DIDO1: variants seen among roughly 807,000 people sequenced by gnomAD.
DIDO1 encodes the protein death-inducer obliterator 1.
DIDO1 carries 16 observed loss-of-function variants against 99.4 expected under a neutral mutation model. The ratio of observed to expected loss-of-function variants is 0.16; its 90% CI spans 0.11 to 0.24. DIDO1 has a LOEUF of 0.24. Among genes scored for constraint, DIDO1 ranks in the 10% least tolerant of loss-of-function variants. DIDO1 has a pLI of 1.00. For missense variants in DIDO1, 2,996 were observed against 3,014.0 expected, an observed-to-expected ratio of 0.99 and a Z score of 0.14; for synonymous variants, 1,366 against 1,239.1, an observed-to-expected ratio of 1.10 and a Z score of -2.15.
In DIDO1 at chr20:62,880,406, C is replaced by T. The variant is rs780529998; in HGVS notation, c.5550G>A (p.Gly1850=). 1.2e-6 allele frequency: 2 copies of T among 1,612,894 alleles called. No individual in the cohort carries two copies. The highest frequency in any genetic ancestry group is 1.7e-6 in the Non-Finnish European group (2 of 1,180,028). The change falls in exon 16 of 16, where the codon GGG becomes GGA. Residue 1850 remains glycine (G), a synonymous_variant. Coordinates refer to ENST00000395343, the MANE Select transcript of DIDO1 (RefSeq NM_001193369.2). ...SQFEERKDPH[G]EKREFQDAPY... is the part of the protein sequence containing the mutation. The stretch of plus-strand genomic sequence containing the variant: ...GGGCGTCCTGGAACTCCCTCTTCTC[C>T]CCATGGGGATCCTTGCGTTCTTCAA...
At chr20:62,929,884 C>T (rs1174848661), upstream of DIDO1, among the ~76,000 whole-genome samples, 1 of 151,476 alleles carries the variant, frequency 6.6e-6, no homozygotes, top group East Asian at 1.9e-4. Context: ...TCAAATCGTC[C>T]ACTACTTCCC....
chr20:62,901,497 C>T lies in DIDO1; in HGVS notation c.1588+4390G>A, dbSNP rs139689677. The stretch of plus-strand genomic sequence containing the variant: ...AGATCTCCCACACGAGTAATTTAAC[C>T]TTTATCTAAGTTGTTTACTACTTAA... On this transcript the variant is annotated intron_variant, in intron 6 of 15. Transcript: ENST00000395343. Among the ~76,000 whole-genome samples, 3 of 152,250 alleles carry T rather than the reference C, an allele frequency of 2.0e-5. No individual in the cohort carries two copies. In the East Asian group the frequency reaches 5.8e-4, roughly 29 times the overall value.
Position 62,882,357 on chromosome 20 carries a change from T to G in DIDO1, c.3599A>C (p.Lys1200Thr). ...TAACTCTCCACTGTTTGCGGGACGTTTGATTTTTTGGCAGATTACTAACCC... is the reference window on the plus strand; with the variant it reads ...TAACTCTCCACTGTTTGCGGGACGTGTGATTTTTTGGCAGATTACTAACCC... ...ILGLVICQKI[K>T]RPANSGELDK... The change falls in exon 16 of 16, where the codon AAA becomes ACA. Residue 1200 changes from lysine (K) to threonine (T), a missense_variant. Physicochemically the swap from Lys to Thr is moderately conservative, Grantham distance 78. Transcript: ENST00000395343. 6.2e-7 allele frequency: 1 copy of G among 1,614,016 alleles called. No individual in the cohort carries two copies. The highest frequency in any genetic ancestry group is 8.5e-7 in the Non-Finnish European group (1 of 1,180,022).
chr20:62,881,401 C>A lies in DIDO1; in HGVS notation c.4555G>T (p.Ala1519Ser), dbSNP rs538776817. ...GACTTTGGTGGTGGAGACATCAAGG[C>A]GTCCGACACCGAGAAGTGGGCCATG... ...VSMAHFSVSD[A>S]LMSPPPKSSL... Residue 1519 changes from alanine to serine, a missense_variant, in exon 16 of 16, where the codon GCC becomes TCC. Ala to Ser is a moderately conservative substitution (Grantham distance 99, BLOSUM62 1). Transcript: ENST00000395343. The surrounding 1 kb of genome is among the most constrained non-coding windows in gnomAD (Gnocchi z 8.3). 3 of 1,607,028 alleles carry A rather than the reference C, an allele frequency of 1.9e-6. No individual in the cohort carries two copies. Among genetic ancestry groups the A allele is most frequent in the Admixed American group, 1.7e-5 (1 of 60,018 alleles).
In DIDO1 at chr20:62,896,024, GCGACC is replaced by G. The variant is rs1440281999; in HGVS notation, c.2214+204_2214+208del. Among the ~76,000 whole-genome samples, 2 of 152,168 alleles carry G rather than the reference GCGACC, an allele frequency of 1.3e-5. No individual in the cohort carries two copies. The highest frequency in any genetic ancestry group is 4.8e-5 in the African/African-American group (2 of 41,426). On this transcript the variant is annotated intron_variant, in intron 8 of 15. Transcript: ENST00000395343. The surrounding 1 kb of genome is among the most constrained non-coding windows in gnomAD (Gnocchi z 4.4). ...ACTTCAGGGAAGCCAGGAAGCGGACGCGACCCTAGTTAAGGCAGGGAAGGGAAGGG... is the reference window on the plus strand; with the variant it reads ...ACTTCAGGGAAGCCAGGAAGCGGACGCTAGTTAAGGCAGGGAAGGGAAGGG...
Position 62,934,274 on chromosome 20 carries a change from A to G in DIDO1, c.-200+3522T>C, listed in dbSNP as rs185979228. ...CTCCCTCCACCCATCCCTTCTCCACAGAGACTTCATGCACACCTGGCTGTA... is the reference window on the plus strand; with the variant it reads ...CTCCCTCCACCCATCCCTTCTCCACGGAGACTTCATGCACACCTGGCTGTA... On this transcript the variant is annotated intron_variant, in intron 1 of 15. Transcript: ENST00000266070. Among the ~76,000 whole-genome samples, 5 of 152,204 alleles carry G rather than the reference A, an allele frequency of 3.3e-5. No homozygotes were observed. The East Asian group carries it at 9.6e-4, about 29-fold the overall frequency.
At chr20:62,889,660 T>C (rs2064359219) in intron 15 of DIDO1, 1 of 985,410 alleles carries the variant, frequency 1.0e-6, no homozygotes, top group African/African-American at 1.7e-5. Flanking sequence ...TTCCTCTCCC[T>C]GGTCACGTGG....
Position 62,906,052 on chromosome 20 carries a change from T to C in DIDO1, c.1423A>G (p.Lys475Glu), listed in dbSNP as rs1414379132. ...ACTGCCTTCTTCACTGTGGTCTCTT[T>C]TTTTTCTGGAGCTGGTCTCTTGTGC... ...SVHKRPAPEK[K>E]ETTVKKAVVV... Residue 475 changes from lysine to glutamate, a missense_variant, in exon 6 of 16, where the codon AAA becomes GAA. This residue lies in a region of DIDO1 where 898 missense variants were observed against 972.7 expected (regional missense o/e 0.92). Transcript: ENST00000395343. 2 of 1,613,716 alleles carry C rather than the reference T, an allele frequency of 1.2e-6. No homozygotes were observed. The highest frequency in any genetic ancestry group is 1.7e-6 in the Non-Finnish European group (2 of 1,179,992).
intron 4 of DIDO1, among the ~76,000 whole-genome samples, chr20:62,908,214 C>T (rs2064849499): frequency 6.6e-6 from 1 of 152,154 alleles, no homozygotes; most frequent in African/African-American, 2.4e-5. Flanking sequence ...CTCTTGGCCT[C>T]AAGTGATCCT....
In DIDO1 at chr20:62,896,690, G is replaced by C. The variant is rs565949826; in HGVS notation, c.1895C>G (p.Ala632Gly). 1.1e-5 allele frequency: 17 copies of C among 1,613,974 alleles called. No individual in the cohort carries two copies. The East Asian group carries it at 3.6e-4, about 34-fold the overall frequency. The change falls in exon 7 of 16, where the codon GCT (alanine) becomes GGT (glycine). Residue 632 changes from alanine to glycine, a missense_variant. Ala to Gly is a moderately conservative substitution (Grantham distance 60, BLOSUM62 0). This residue lies in a region of DIDO1 where 898 missense variants were observed against 972.7 expected (regional missense o/e 0.92). Transcript: ENST00000395343. This position sits in a 1 kb window ranked among gnomAD's most constrained non-coding sequence, Gnocchi z 4.4. ...TAASKKFPGS[A>G]ALVGAVRKPV... ...CTTCCTTACGGCTCCCACCAAAGCA[G>C]CGGAGCCAGGGAACTTCTTGGAGGC...
intron 6 of DIDO1, 157 bp downstream of exon 6, chr20:62,905,730 A>AT (rs1303354523): frequency 6.2e-7 from 1 of 1,607,110 alleles, no homozygotes; most frequent in Non-Finnish European, 8.5e-7. Flanking sequence ...AGCAGGAGGC[A>AT]TCCTGGACAT....
At chr20:62,886,140 T>C (rs1439355061) in intron 15 of DIDO1, among the ~76,000 whole-genome samples, 1 of 152,234 alleles carries the variant, frequency 6.6e-6, no homozygotes, top group East Asian at 1.9e-4. Context: ...TGAGGGCTAC[T>C]GAGGGCCTCA....
rs902940528 is a variant in DIDO1 at position 62,897,811 on chromosome 20, C to T, written c.1589-815G>A. 2.6e-5 allele frequency among the ~76,000 whole-genome samples: 4 copies of T among 152,324 alleles called. No homozygotes were observed. In the South Asian group the frequency reaches 6.2e-4, roughly 24 times the overall value. ...CAAAGGCCCTCGAGCAGGGGACAGA[C>T]GGCGTGCCAGGGGACAGATGGCCAG... On this transcript the variant is annotated intron_variant, in intron 6 of 15. Coordinates refer to ENST00000395343, the MANE Select transcript of DIDO1 (RefSeq NM_001193369.2).
intron 1 of DIDO1, among the ~76,000 whole-genome samples, chr20:62,917,473 T>C (rs2065059904): frequency 6.6e-6 from 1 of 152,198 alleles, no homozygotes; most frequent in Non-Finnish European, 1.5e-5. Context: ...TGTTCGTTTT[T>C]TCTTTGAGAC....
intron 2 of DIDO1, among the ~76,000 whole-genome samples, chr20:62,912,228 G>A (rs1335394854): frequency 6.6e-6 from 1 of 152,164 alleles, no homozygotes; most frequent in Non-Finnish European, 1.5e-5. Flanking sequence ...CACTATCTGG[G>A]ACCCTCCATA....
intron 1 of DIDO1, among the ~76,000 whole-genome samples, chr20:62,915,132 T>C (rs1052530681): frequency 6.6e-6 from 1 of 152,278 alleles, no homozygotes; most frequent in South Asian, 2.1e-4. Context: ...GTGGTCTCCC[T>C]GGCAACCTCA....
chr20:62,897,991 G>A (rs1017512866), intron 6 of DIDO1, among the ~76,000 whole-genome samples: 3 of 152,206 alleles, frequency 2.0e-5, no homozygotes, highest in Non-Finnish European at 2.9e-5. Context: ...GCTACCTCGG[G>A]TGATCAAGTC....
In DIDO1 at chr20:62,882,013, C is replaced by G. The variant is rs1456452978; in HGVS notation, c.3943G>C (p.Glu1315Gln). The change falls in exon 16 of 16, where the codon GAG becomes CAG. Residue 1315 changes from glutamate to glutamine, a missense_variant. By Grantham distance (29) the Glu-to-Gln change is conservative. Around this residue, in one of 5 missense-constraint regions of DIDO1, gnomAD observed 1,562 missense variants for 1,412.6 expected, o/e 1.11. Coordinates refer to ENST00000395343, the MANE Select transcript of DIDO1 (RefSeq NM_001193369.2). Reference sequence around the variant, plus strand: ...CCAAAGAGAGTCTGCAGGATGTGCTCCAGCGGTGATGCTGTTTTGGAAGCA... The same window carrying G: ...CCAAAGAGAGTCTGCAGGATGTGCTGCAGCGGTGATGCTGTTTTGGAAGCA... ...SSASKTASPL[E>Q]HILQTLFGKK... The G allele has an allele frequency of 2.5e-6, 4 of 1,613,392 alleles. No homozygotes were observed. The highest frequency in any genetic ancestry group is 3.4e-6 in the Non-Finnish European group (4 of 1,180,036).
chr20:62,924,965 C>G (rs1468951701), intron 1 of DIDO1, among the ~76,000 whole-genome samples: 1 of 152,178 alleles, frequency 6.6e-6, no homozygotes, highest in Admixed American at 6.5e-5. Flanking sequence ...GAACAGACAT[C>G]TCCTCCCCAT....
Sources: allele counts gnomAD v4.1 joint callset (sites outside exome capture counted in the v4.1 genomes callset), GRCh38; gene constraint gnomAD v4.1.1; regional missense constraint gnomAD v4.1.1; non-coding constraint Gnocchi (gnomAD v3.1); transcripts MANE v1.5; gene names NCBI Gene and HGNC (gene_info 2026-07-23, HGNC 2026-07-21).